Variants in IL1R1 observed in about 807,000 individuals in gnomAD.
IL1R1 encodes interleukin 1 receptor type 1, also known as interleukin-1 receptor type 1.
A neutral mutation model predicts 50.2 loss-of-function variants in IL1R1; 22 were observed. The observed-to-expected ratio is 0.44, with a 90% CI of 0.31 to 0.63. The LOEUF (loss-of-function observed/expected upper bound fraction) is 0.63, where lower values mean the gene tolerates loss of function less well. Ranked by LOEUF, IL1R1 falls within the 20% of genes least tolerant of loss-of-function variation. The probability of loss-of-function intolerance (pLI) is 0.07; values close to 1 mark genes in which losing one functional copy is unlikely to be tolerated. For synonymous variants in IL1R1, 251 were observed against 236.7 expected (o/e 1.06, Z -0.55); for missense variants, 509 against 676.2 (o/e 0.75, Z 2.74).
At chr2:102,157,656 A>C in intron 2 of IL1R1, 63 bp from the exon 3 acceptor site, 7 of 1,045,762 alleles carry the variant, frequency 6.7e-6, no homozygotes, top group Non-Finnish European at 1.0e-5. Context: ...ATTTAGTTTT[A>C]GAGATTTGCT....
At chr2:102,131,416 A>C (rs557613647) in intron 1 of IL1R1, among the ~76,000 whole-genome samples, 1 of 152,316 alleles carries the variant, frequency 6.6e-6, no homozygotes, top group African/African-American at 2.4e-5. Context: ...ACCAAGAACT[A>C]ATAGAGATGT....
Position 102,176,585 on chromosome 2 carries a change from T to C in IL1R1, c.1536T>C (p.Ala512=). 1 of 1,614,178 alleles carries C rather than the reference T, an allele frequency of 6.2e-7. No individual in the cohort carries two copies. The highest frequency in any genetic ancestry group is 1.1e-5 in the South Asian group (1 of 91,088). The change falls in exon 12 of 12, where the codon GCT becomes GCC. Residue 512 remains alanine, a synonymous_variant. Coordinates refer to ENST00000410023, the MANE Select transcript of IL1R1 (RefSeq NM_000877.4). ...SIKFIKQKHG[A]IRWSGDFTQG... ...AATTCATTAAGCAGAAACATGGGGC[T>C]ATCCGCTGGTCAGGGGACTTTACAC...
chr2:102,140,774 A>G (rs1401121105), upstream of IL1R1, among the ~76,000 whole-genome samples: 7 of 152,316 alleles, frequency 4.6e-5, no homozygotes, highest in South Asian at 1.2e-3. Context: ...GAAAGTGGTC[A>G]GGATGGCTGA....
chr2:102,117,755 C>T (rs958444868), intron 1 of IL1R1, among the ~76,000 whole-genome samples: 5 of 152,190 alleles, frequency 3.3e-5, no homozygotes, highest in Admixed American at 2.6e-4. Context: ...GGGAAGCCTG[C>T]TGAGCAGAGA....
At chr2:102,145,161 A>G (rs1666486091) in intron 1 of IL1R1, among the ~76,000 whole-genome samples, 1 of 152,228 alleles carries the variant, frequency 6.6e-6, no homozygotes, top group Admixed American at 6.5e-5. Flanking sequence ...CCATTTTAAA[A>G]GAAGTTGTCA....
chr2:102,136,288 C>T (rs1345437927), intron 1 of IL1R1, among the ~76,000 whole-genome samples: 2 of 152,072 alleles, frequency 1.3e-5, no homozygotes, highest in Non-Finnish European at 2.9e-5. Context: ...ATCAGTGGTC[C>T]TATCGCCTCT....
Position 102,135,458 on chromosome 2 carries a change from T to C in IL1R1, c.-83-18483T>C, listed in dbSNP as rs542030849. ...TAAAAAATTAGAATATAGGCATGAATCCATGTATTTACAAAGTATTATGTT... is the reference window on the plus strand; with the variant it reads ...TAAAAAATTAGAATATAGGCATGAACCCATGTATTTACAAAGTATTATGTT... On this transcript the variant is annotated intron_variant, in intron 1 of 10. Coordinates refer to the IL1R1 transcript ENST00000409329. Among the ~76,000 whole-genome samples the C allele has an allele frequency of 9.2e-5, 14 of 152,318 alleles. No homozygotes were observed. In the South Asian group the frequency reaches 2.9e-3, roughly 32 times the overall value.
chr2:102,137,279 T>A (rs184284298), intron 1 of IL1R1, among the ~76,000 whole-genome samples: 1 of 152,206 alleles, frequency 6.6e-6, no homozygotes, highest in African/African-American at 2.4e-5. Context: ...ATTATTTTGC[T>A]AGAATCTACC....
chr2:102,104,338 G>T (rs1308419327), upstream of IL1R1, among the ~76,000 whole-genome samples: 2 of 152,216 alleles, frequency 1.3e-5, no homozygotes, highest in Non-Finnish European at 1.5e-5. Flanking sequence ...AGACTGACCA[G>T]TCAAGACTCT....
chr2:102,178,628 G>T lies in IL1R1; in HGVS notation c.*1869G>T, dbSNP rs1686338034. The T allele has an allele frequency of 6.6e-6, 1 of 152,220 alleles. No homozygotes were observed. Among genetic ancestry groups the T allele is most frequent in the Non-Finnish European group, 1.5e-5 (1 of 68,022 alleles). The allele number at this position is 152,220 out of a possible 1,614,324, so 9.4% of individuals were successfully genotyped here. On this transcript the variant is annotated 3_prime_UTR_variant, in exon 12 of 12. Transcript: ENST00000410023. ...CGTTTGTGAGAAGAAATGACATTTT[G>T]CTAGGAAGTGACCGAGTCTAGGAAT...
At chr2:102,162,302 GTGTTTA>G (rs1436253910) in intron 3 of IL1R1, among the ~76,000 whole-genome samples, 1 of 152,134 alleles carries the variant, frequency 6.6e-6, no homozygotes, top group Admixed American at 6.6e-5. Context: ...GTAGGTGTAT[GTGTTTA>G]TGTTAGGCAC....
chr2:102,150,669 C>T (rs1309284792), intron 1 of IL1R1, among the ~76,000 whole-genome samples: 1 of 152,146 alleles, frequency 6.6e-6, no homozygotes, highest in African/African-American at 2.4e-5. Context: ...CACATAAAGC[C>T]GTGGTGTGCT....
chr2:102,138,805 G>T (rs1682483967), upstream of IL1R1, among the ~76,000 whole-genome samples: 2 of 152,188 alleles, frequency 1.3e-5, no homozygotes, highest in South Asian at 4.1e-4. Context: ...TACTGGCAGT[G>T]CCATAAATAA....
At chr2:102,106,700 G>A (rs1680433442) in intron 1 of IL1R1, among the ~76,000 whole-genome samples, 1 of 152,162 alleles carries the variant, frequency 6.6e-6, no homozygotes, top group African/African-American at 2.4e-5. Context: ...TTGTCTCTGA[G>A]TACATTTACA....
intron 1 of IL1R1, among the ~76,000 whole-genome samples, chr2:102,079,929 G>T (rs978883288): frequency 3.9e-5 from 6 of 152,252 alleles, no homozygotes; most frequent in Non-Finnish European, 8.8e-5. Flanking sequence ...TCAGAAATAT[G>T]CCCTTACGTT....
At chr2:102,136,208 C>A (rs1291262542) in intron 1 of IL1R1, among the ~76,000 whole-genome samples, 1 of 152,078 alleles carries the variant, frequency 6.6e-6, no homozygotes, top group Admixed American at 6.6e-5. Context: ...AGAGTAGGAA[C>A]AACTCAGCAC....
chr2:102,071,731 G>T (rs1448518211), intron 1 of IL1R1, among the ~76,000 whole-genome samples: 1 of 152,272 alleles, frequency 6.6e-6, no homozygotes, highest in Admixed American at 6.5e-5. Context: ...GGTTTTTGTA[G>T]TGGCACCAGG....
At chr2:102,145,249 G>A (rs1258065382) in intron 1 of IL1R1, among the ~76,000 whole-genome samples, 1 of 152,148 alleles carries the variant, frequency 6.6e-6, no homozygotes, top group East Asian at 1.9e-4. Context: ...TGCTTGGTTT[G>A]CATTTTCTTC....
chr2:102,112,259 C>A (rs551114729), intron 1 of IL1R1, among the ~76,000 whole-genome samples: 4 of 151,398 alleles, frequency 2.6e-5, no homozygotes, highest in South Asian at 2.1e-4. Flanking sequence ...CCTATTTCGG[C>A]GGCAAAACTG....
Sources: gnomAD v4.1 joint callset for allele counts (sites outside exome capture counted in the v4.1 genomes callset) on GRCh38, gnomAD v4.1.1 for gene constraint, MANE v1.5 for transcripts, NCBI Gene and HGNC (gene_info 2026-07-23, HGNC 2026-07-21) for gene names.